Variants in ADAM32 observed in about 807,000 individuals in gnomAD.
ADAM32 encodes the protein disintegrin and metalloproteinase domain-containing protein 32.
In ADAM32, 89 loss-of-function variants were observed where a neutral mutation model predicts 114.9. The observed-to-expected ratio is 0.77, with a 90% confidence interval of 0.65 to 0.92. The LOEUF is 0.92. Ranked by LOEUF, ADAM32 falls within the 40% of genes least tolerant of loss-of-function variation. The pLI is 0.00. For missense variants in ADAM32, 870 were observed against 932.8 expected, an observed-to-expected ratio of 0.93 and a Z score of 0.88; for synonymous variants, 285 against 307.5, an observed-to-expected ratio of 0.93 and a Z score of 0.77.
intron 11 of ADAM32, among the ~76,000 whole-genome samples, chr8:39,196,842 G>T (rs2129447643): frequency 6.6e-6 from 1 of 151,996 alleles, no homozygotes; most frequent in Non-Finnish European, 1.5e-5. Flanking sequence ...TCAGGGTAAT[G>T]CTGGCCTCCC....
intron 14 of ADAM32, among the ~76,000 whole-genome samples, chr8:39,228,386 A>G (rs1481117925): frequency 1.3e-5 from 2 of 152,224 alleles, no homozygotes; most frequent in Non-Finnish European, 1.5e-5. Flanking sequence ...CTAATCAGGG[A>G]GGCAATGGAG....
intron 19 of ADAM32, 92 bp downstream of exon 19, chr8:39,257,435 C>T: frequency 7.2e-7 from 1 of 1,392,508 alleles, no homozygotes; most frequent in Non-Finnish European, 9.7e-7. Context: ...CAATACTTTA[C>T]ATATCACTGG....
chr8:39,254,439 A>G lies in ADAM32; in HGVS notation c.1928A>G (p.His643Arg). 6.2e-7 allele frequency: 1 copy of G among 1,600,848 alleles called. No homozygotes were observed. The highest frequency in any genetic ancestry group is 8.5e-7 in the Non-Finnish European group (1 of 1,173,162). ...HGVCDSRNKC[H>R]CSPGYKPPNC... ...GTGTGTGATTCCAGAAACAAGTGCC[A>G]TTGTTCGCCAGGCTATAAGCCTCCA... Residue 643 changes from histidine to arginine, a missense_variant, in exon 18 of 25, where the codon CAT becomes CGT. His to Arg is a conservative substitution (Grantham distance 29). Transcript: ENST00000379907.
intron 20 of ADAM32, among the ~76,000 whole-genome samples, chr8:39,271,775 C>T (rs1025073345): frequency 2.0e-5 from 3 of 151,962 alleles, no homozygotes; most frequent in African/African-American, 7.2e-5. Flanking sequence ...AGGTCTTGGA[C>T]TTTTACAAAA....
chr8:39,282,939 G>T (rs1813518918), intron 23 of ADAM32, among the ~76,000 whole-genome samples: 1 of 152,132 alleles, frequency 6.6e-6, no homozygotes, highest in Non-Finnish European at 1.5e-5. Context: ...AATAGCAAAG[G>T]TAGGGAAAGG....
At chr8:39,236,663 A>G (rs1193415962) in intron 16 of ADAM32, among the ~76,000 whole-genome samples, 1 of 152,200 alleles carries the variant, frequency 6.6e-6, no homozygotes, top group Non-Finnish European at 1.5e-5. Flanking sequence ...ATATTGACAC[A>G]TCATTATCAC....
At chr8:39,137,135 G>A (rs1182364992) in intron 3 of ADAM32, among the ~76,000 whole-genome samples, 1 of 152,134 alleles carries the variant, frequency 6.6e-6, no homozygotes, top group Non-Finnish European at 1.5e-5. Flanking sequence ...AATAGTTTAT[G>A]GAAAATAGTC....
intron 2 of ADAM32, among the ~76,000 whole-genome samples, chr8:39,128,394 A>C (rs547416687): frequency 1.3e-5 from 2 of 152,000 alleles, no homozygotes; most frequent in African/African-American, 2.4e-5. Context: ...CCATCCCTTC[A>C]TTTTGAGCCT....
chr8:39,192,438 G>A (rs1297570773), intron 11 of ADAM32, among the ~76,000 whole-genome samples: 1 of 152,166 alleles, frequency 6.6e-6, no homozygotes, highest in Non-Finnish European at 1.5e-5. Context: ...CTTGAAGACA[G>A]CATATCATTG....
At chr8:39,165,680 T>C (rs1457020497) in intron 9 of ADAM32, 1 of 152,164 alleles carries the variant, frequency 6.6e-6, no homozygotes, top group Non-Finnish European at 1.5e-5. Flanking sequence ...TATTTATAAT[T>C]GTATTCATAT....
At chr8:39,144,522 G>T (rs1803378886) in intron 3 of ADAM32, among the ~76,000 whole-genome samples, 1 of 152,236 alleles carries the variant, frequency 6.6e-6, no homozygotes. Context: ...GGTATGAAGT[G>T]CTTGTGGGAT....
upstream of ADAM32, chr8:39,107,578 T>A (rs1215760672): frequency 7.2e-7 from 1 of 1,385,990 alleles, no homozygotes; most frequent in African/African-American, 1.5e-5. Context: ...GGGAGCTGGA[T>A]GTTTTAGCCT....
intron 2 of ADAM32, among the ~76,000 whole-genome samples, chr8:39,119,671 G>A (rs963944731): frequency 1.3e-5 from 2 of 151,866 alleles, no homozygotes; most frequent in Non-Finnish European, 2.9e-5. Context: ...TCTCAGTGGT[G>A]TTTTCTCAAA....
intron 10 of ADAM32, among the ~76,000 whole-genome samples, chr8:39,180,855 A>G (rs1303403697): frequency 6.6e-6 from 1 of 152,126 alleles, no homozygotes; most frequent in African/African-American, 2.4e-5. Flanking sequence ...CACGCCAATC[A>G]GCACCCTCTG....
At chr8:39,157,925 G>A (rs1413523096) in intron 6 of ADAM32, 8 of 388,330 alleles carry the variant, frequency 2.1e-5, no homozygotes, top group Middle Eastern at 8.7e-4. Flanking sequence ...TGTCTAGTAC[G>A]TGCCACAGAG....
intron 17 of ADAM32, 72 bp downstream of exon 17, chr8:39,246,238 A>AT: frequency 1.4e-6 from 2 of 1,416,750 alleles, no homozygotes; most frequent in South Asian, 2.4e-5. Flanking sequence ...ATTTACTGAC[A>AT]TTTTTTGGGT....
chr8:39,196,188 T>G (rs1278919271), intron 11 of ADAM32, among the ~76,000 whole-genome samples: 1 of 152,230 alleles, frequency 6.6e-6, no homozygotes, highest in Admixed American at 6.5e-5. Flanking sequence ...GTATGCTGAT[T>G]TTGAATCCTG....
Position 39,115,588 on chromosome 8 carries a change from GT to G in ADAM32, c.59-2485del, listed in dbSNP as rs546825917. 4.2e-3 allele frequency among the ~76,000 whole-genome samples: 596 copies of G among 141,906 alleles called. 2 individuals carry two copies. The highest frequency in any genetic ancestry group is 5.5e-3 in the African/African-American group (214 of 39,216). 93.1% of individuals were successfully genotyped at this position (141,906 alleles called of 152,430 possible). On this transcript the variant is annotated intron_variant, in intron 1 of 24. Transcript: ENST00000379907. ...ATGTCATTGGCCCATTTTTTAATGG[GT>G]TTTTTTTTTTTTGCTTGTTGAATTG...
intron 11 of ADAM32, among the ~76,000 whole-genome samples, chr8:39,209,382 T>A (rs1808060983): frequency 6.6e-6 from 1 of 152,224 alleles, no homozygotes; most frequent in Non-Finnish European, 1.5e-5. Context: ...GAATTGTTTC[T>A]CTGTGTTTTC....
Sources: gnomAD v4.1 joint callset for allele counts (sites outside exome capture counted in the v4.1 genomes callset) on GRCh38, gnomAD v4.1.1 for gene constraint, MANE v1.5 for transcripts, NCBI Gene and HGNC (gene_info 2026-07-23, HGNC 2026-07-21) for gene names.